NRG3: variants seen among roughly 807,000 people sequenced by gnomAD.
The protein encoded by NRG3 is neuregulin 3.
A neutral mutation model predicts 66.9 loss-of-function variants in NRG3; 31 were observed. The observed-to-expected ratio is 0.46, with a 90% CI of 0.35 to 0.63. The LOEUF is 0.63. NRG3 is among the 20% of genes least tolerant of loss of function. NRG3 has a pLI of 0.00. For synonymous variants in NRG3, 393 were observed against 359.4 expected (o/e 1.09, Z -1.06); for missense variants, 910 against 878.9 (o/e 1.04, Z -0.45).
chr10:82,066,579 C>T (rs984270142), intron 1 of NRG3, among the ~76,000 whole-genome samples: 1 of 152,172 alleles, frequency 6.6e-6, no homozygotes, highest in East Asian at 1.9e-4. Flanking sequence ...GCATACTAAG[C>T]TTTGTGGACT....
At chr10:82,281,586 T>C (rs1259255618) in intron 1 of NRG3, among the ~76,000 whole-genome samples, 2 of 152,168 alleles carry the variant, frequency 1.3e-5, no homozygotes, top group East Asian at 1.9e-4. Context: ...TAATTCAACA[T>C]GCAGCTTGCA....
intron 1 of NRG3, among the ~76,000 whole-genome samples, chr10:82,235,237 T>A (rs1184942987): frequency 1.3e-5 from 2 of 152,202 alleles, no homozygotes; most frequent in Admixed American, 6.5e-5. Flanking sequence ...ACTGCCTTCC[T>A]GCAAAAATAT....
chr10:81,897,534 T>C (rs1330405037), intron 1 of NRG3, among the ~76,000 whole-genome samples: 1 of 149,908 alleles, frequency 6.7e-6, no homozygotes, highest in African/African-American at 2.5e-5. Flanking sequence ...TAGGTTCCCG[T>C]CCTCAATAAG....
At chr10:82,628,705 C>T (rs34471322) in intron 2 of NRG3, among the ~76,000 whole-genome samples, 9,958 of 152,116 alleles carry the variant, frequency 0.065, 437 homozygotes, top group East Asian at 0.22. Flanking sequence ...GTGATGACCT[C>T]ATGCAGAGAG....
At chr10:82,004,035 A>AC (rs1491584142) in intron 1 of NRG3, among the ~76,000 whole-genome samples, 3 of 149,298 alleles carry the variant, frequency 2.0e-5, no homozygotes, top group Admixed American at 6.7e-5. Flanking sequence ...ACACACACAC[A>AC]GATACCTTAG....
chr10:82,628,462 C>T (rs2049578649), intron 2 of NRG3, among the ~76,000 whole-genome samples: 1 of 152,050 alleles, frequency 6.6e-6, no homozygotes, highest in Non-Finnish European at 1.5e-5. Flanking sequence ...TCTCACCATC[C>T]CATGGAACTA....
At chr10:82,234,333 C>G (rs78685249) in intron 1 of NRG3, among the ~76,000 whole-genome samples, 5,880 of 152,308 alleles carry the variant, frequency 0.039, 180 homozygotes, top group African/African-American at 0.085. Flanking sequence ...TCTGTCTACT[C>G]TGTCTAAATT....
intron 4 of NRG3, among the ~76,000 whole-genome samples, chr10:82,947,364 G>T (rs1466076765): frequency 6.6e-6 from 1 of 151,958 alleles, no homozygotes; most frequent in Non-Finnish European, 1.5e-5. Context: ...CCTGTTGATG[G>T]ATCCTTGGGT....
At chr10:82,538,082 A>G (rs187178306) in intron 2 of NRG3, among the ~76,000 whole-genome samples, 1 of 152,290 alleles carries the variant, frequency 6.6e-6, no homozygotes, top group Admixed American at 6.5e-5. Flanking sequence ...CCTTCAAACA[A>G]TGAGACTAAT....
intron 1 of NRG3, among the ~76,000 whole-genome samples, chr10:82,244,651 T>C (rs886703008): frequency 1.3e-5 from 2 of 152,104 alleles, no homozygotes; most frequent in Non-Finnish European, 1.5e-5. Flanking sequence ...GGGATCATTT[T>C]TGTGGGTAAC....
At chr10:82,763,527 A>G (rs960636728) in intron 3 of NRG3, among the ~76,000 whole-genome samples, 1 of 152,194 alleles carries the variant, frequency 6.6e-6, no homozygotes, top group Non-Finnish European at 1.5e-5. Flanking sequence ...TTAAAAAACT[A>G]TTTTGGATTG....
At chr10:82,780,989 A>G (rs1281541227) in intron 3 of NRG3, among the ~76,000 whole-genome samples, 1 of 152,110 alleles carries the variant, frequency 6.6e-6, no homozygotes, top group Non-Finnish European at 1.5e-5. Context: ...TTCCATTTCA[A>G]TAAAGGGAGG....
At chr10:82,487,106 G>T (rs1842749062) in intron 2 of NRG3, among the ~76,000 whole-genome samples, 1 of 147,698 alleles carries the variant, frequency 6.8e-6, no homozygotes, top group Non-Finnish European at 1.5e-5. Flanking sequence ...CTATTATATA[G>T]ATATATCTAT....
At chr10:82,653,645 T>A (rs1308034746) in intron 2 of NRG3, among the ~76,000 whole-genome samples, 2 of 151,768 alleles carry the variant, frequency 1.3e-5, no homozygotes, top group South Asian at 2.1e-4. Flanking sequence ...GTTCAGGTTT[T>A]TTTTTAAAAA....
At chr10:81,884,774 A>G (rs146252100) in intron 1 of NRG3, among the ~76,000 whole-genome samples, 1 of 152,280 alleles carries the variant, frequency 6.6e-6, no homozygotes, top group East Asian at 1.9e-4. Flanking sequence ...GGAATACCAA[A>G]GGATGACTGT....
intron 1 of NRG3, among the ~76,000 whole-genome samples, chr10:81,899,926 G>A (rs1353473192): frequency 6.6e-6 from 1 of 151,754 alleles, no homozygotes; most frequent in Non-Finnish European, 1.5e-5. Context: ...AATCTGCTGT[G>A]TGTTTACATA....
At chr10:82,769,737 C>T (rs1208527182) in intron 3 of NRG3, among the ~76,000 whole-genome samples, 3 of 152,060 alleles carry the variant, frequency 2.0e-5, no homozygotes, top group Admixed American at 2.0e-4. Flanking sequence ...TTCTTTTCTC[C>T]TAAGTGTGGA....
intron 3 of NRG3, among the ~76,000 whole-genome samples, chr10:82,821,953 G>T (rs1238141156): frequency 6.6e-6 from 1 of 152,120 alleles, no homozygotes; most frequent in East Asian, 1.9e-4. Flanking sequence ...CTGCTACCCT[G>T]CCCCCCACAT....
intron 6 of NRG3, among the ~76,000 whole-genome samples, chr10:82,963,508 G>A (rs572377521): frequency 1.6e-4 from 25 of 151,698 alleles, no homozygotes; most frequent in Non-Finnish European, 2.8e-4. Flanking sequence ...GTGAAACCCC[G>A]TCTCTACTAA....
Sources: allele counts gnomAD v4.1 joint callset (sites outside exome capture counted in the v4.1 genomes callset), GRCh38; gene constraint gnomAD v4.1.1; transcripts MANE v1.5; gene names NCBI Gene and HGNC (gene_info 2026-07-23, HGNC 2026-07-21).